PCNT: variants seen among roughly 807,000 people sequenced by gnomAD.
PCNT encodes kendrin.
Under a neutral mutation model 380.4 loss-of-function variants are expected in PCNT, and 319 were observed. The observed-to-expected ratio is 0.84, with a 90% CI of 0.77 to 0.92. The LOEUF (loss-of-function observed/expected upper bound fraction) is 0.92, where lower values mean the gene tolerates loss of function less well. Ranked by LOEUF, PCNT falls within the 40% of genes least tolerant of loss-of-function variation. The pLI, the probability that PCNT is intolerant of heterozygous loss-of-function variation, is 0.00. For synonymous variants in PCNT, 1,845 were observed against 1,735.2 expected, an observed-to-expected ratio of 1.06 and a Z score of -1.57; for missense variants, 4,400 against 4,255.3, an observed-to-expected ratio of 1.03 and a Z score of -0.95.
chr21:46,399,778 C>G lies in PCNT; in HGVS notation c.4773C>G (p.Ile1591Met), dbSNP rs375111791. 1 of 1,613,898 alleles carries G rather than the reference C, an allele frequency of 6.2e-7. No homozygotes were observed. ...AAGAAGTGGAAAAACAGAAAAACATCGTGAAAGGGCTGGAACAGGTAAAGC... is the reference window on the plus strand; with the variant it reads ...AAGAAGTGGAAAAACAGAAAAACATGGTGAAAGGGCTGGAACAGGTAAAGC... ...LQEEVEKQKN[I>M]VKGLEQDKEV... is the part of the protein sequence containing the mutation. The change falls in exon 25 of 47, where the codon ATC (isoleucine) becomes ATG (methionine). Residue 1591 changes from isoleucine (I) to methionine (M), a missense_variant. Physicochemically the swap from Ile to Met is conservative, Grantham distance 10. Coordinates refer to ENST00000359568, the MANE Select transcript of PCNT (RefSeq NM_006031.6).
intron 3 of PCNT, 29 bp downstream of exon 3, chr21:46,334,797 A>G: frequency 1.2e-6 from 2 of 1,614,198 alleles, no homozygotes; most frequent in East Asian, 4.5e-5. Context: ...GTTAAGGTGT[A>G]TTCTTTGTCA....
intron 33 of PCNT, 81 bp downstream of exon 33, chr21:46,426,052 G>T: frequency 9.1e-7 from 1 of 1,096,786 alleles, no homozygotes; most frequent in South Asian, 1.3e-5. Flanking sequence ...GGGCCACGTG[G>T]ACACTAGGAT....
intron 15 of PCNT, among the ~76,000 whole-genome samples, chr21:46,374,101 G>A (rs1005342201): frequency 1.3e-5 from 2 of 152,230 alleles, no homozygotes; most frequent in South Asian, 4.1e-4. Flanking sequence ...CTGTGGGGAG[G>A]TGGGATGTAC....
intron 13 of PCNT, among the ~76,000 whole-genome samples, chr21:46,361,654 GGTGCTCTTCATTTCTTCTT>G (rs1396899382): frequency 6.6e-6 from 1 of 152,146 alleles, no homozygotes; most frequent in Non-Finnish European, 1.5e-5. Flanking sequence ...TGCCATTTCT[GGTGCTCTTCATTTCTTCTT>G]GAAGATCTGA....
intron 15 of PCNT, among the ~76,000 whole-genome samples, chr21:46,370,514 CAG>C (rs1428318945): frequency 1.3e-5 from 2 of 151,926 alleles, no homozygotes; most frequent in African/African-American, 2.4e-5. Context: ...TGGGGGCTGA[CAG>C]GGGAAGCCAC....
chr21:46,377,444 T>G (rs1195686261), intron 15 of PCNT, among the ~76,000 whole-genome samples: 3 of 152,260 alleles, frequency 2.0e-5, no homozygotes, highest in Non-Finnish European at 4.4e-5. Flanking sequence ...GTCTTAAAAC[T>G]GAGCTTTTTC....
intron 13 of PCNT, among the ~76,000 whole-genome samples, chr21:46,357,840 T>G (rs764220722): frequency 3.3e-5 from 5 of 152,176 alleles, no homozygotes; most frequent in Non-Finnish European, 5.9e-5. Context: ...TCACCCCAAG[T>G]CTTAAATTGC....
intron 15 of PCNT, among the ~76,000 whole-genome samples, chr21:46,367,507 C>T (rs1411690182): frequency 2.0e-5 from 3 of 152,242 alleles, no homozygotes; most frequent in South Asian, 2.1e-4. Context: ...TGGGCTTCAC[C>T]ATGTTGGCCA....
At chr21:46,340,842 G>C (rs1006328656) in intron 3 of PCNT, among the ~76,000 whole-genome samples, 1 of 152,008 alleles carries the variant, frequency 6.6e-6, no homozygotes, top group Non-Finnish European at 1.5e-5. Context: ...GCTAATTTTT[G>C]TATTTTTTTT....
chr21:46,417,946 T>C (rs145899531), intron 30 of PCNT, among the ~76,000 whole-genome samples: 1 of 152,318 alleles, frequency 6.6e-6, no homozygotes, highest in East Asian at 1.9e-4. Flanking sequence ...GAAACATCCA[T>C]ATACTATCAT....
chr21:46,430,350 A>G lies in PCNT; in HGVS notation c.7913+118A>G. 4 of 1,377,518 alleles carry G rather than the reference A, an allele frequency of 2.9e-6. No individual in the cohort carries two copies. In the South Asian group the frequency reaches 3.7e-5, roughly 13 times the overall value. The allele number at this position is 1,377,518 out of a possible 1,614,324, so 85.3% of individuals were successfully genotyped here. A position where few individuals can be genotyped will look rare whatever the true frequency, so the allele number is the denominator to read the frequency against. On this transcript the variant is annotated intron_variant, in intron 36 of 46. Transcript: ENST00000359568. Reference sequence around the variant, plus strand: ...GCCGCAGTTGGGCAGCCCCAGGGGCACCGCGCCCTGCTGTCCCTGGGTTGA... The same window carrying G: ...GCCGCAGTTGGGCAGCCCCAGGGGCGCCGCGCCCTGCTGTCCCTGGGTTGA...
chr21:46,427,901 C>T, intron 34 of PCNT, 106 bp downstream of exon 34: 1 of 1,239,048 alleles, frequency 8.1e-7, no homozygotes, highest in Non-Finnish European at 1.2e-6. Flanking sequence ...TTGTGTGTTT[C>T]TCTCGACCGC....
rs772236667 is a variant in PCNT, at chr21:46,411,473, G to C, written c.5400G>C (p.Glu1800Asp). 6.2e-7 allele frequency: 1 copy of C among 1,610,182 alleles called. No homozygotes were observed. The highest frequency in any genetic ancestry group is 8.5e-7 in the Non-Finnish European group (1 of 1,178,930). Residue 1800 changes from glutamate to aspartate, a missense_variant, in exon 28 of 47, where the codon GAG becomes GAC. Physicochemically the swap from Glu to Asp is conservative, Grantham distance 45. Transcript: ENST00000359568. ...TCGAGGCTGCGCTGGAAGCCAAGGA[G>C]GCCCTGAGCCGGCTGCTGGCTGACC... ...GELEAALEAK[E>D]ALSRLLADQE...
intron 3 of PCNT, among the ~76,000 whole-genome samples, chr21:46,337,710 GT>G (rs1248514878): frequency 6.6e-6 from 1 of 152,062 alleles, no homozygotes; most frequent in Non-Finnish European, 1.5e-5. Flanking sequence ...AGCCTCCCGA[GT>G]TGCTGGGATT....
rs1465778910 is a variant in PCNT, at chr21:46,442,535, G to A, written c.9662G>A (p.Arg3221Gln). Residue 3221 changes from arginine (R) to glutamine (Q), a missense_variant, in exon 44 of 47, where the codon CGG (arginine) becomes CAG (glutamine). Coordinates refer to ENST00000359568, the MANE Select transcript of PCNT (RefSeq NM_006031.6). ...FLVKKWQEVD[R>Q]KGALAQGKAP... ...GTTAAGAAATGGCAAGAAGTAGATC[G>A]GAAAGGAGCTCTGGCACAAGGCAAA... The A allele has an allele frequency of 2.5e-6, 4 of 1,612,548 alleles. No homozygotes were observed. Among genetic ancestry groups the A allele is most frequent in the Non-Finnish European group, 2.5e-6 (3 of 1,178,860 alleles).
intron 6 of PCNT, 116 bp downstream of exon 6, chr21:46,347,628 T>A: frequency 1.1e-6 from 1 of 912,660 alleles, no homozygotes; most frequent in Non-Finnish European, 1.8e-6. Flanking sequence ...CGAGGCTTTA[T>A]TAGAATATGC....
chr21:46,394,199 C>G (rs983080489), intron 21 of PCNT, among the ~76,000 whole-genome samples: 2 of 152,244 alleles, frequency 1.3e-5, no homozygotes, highest in Non-Finnish European at 2.9e-5. Context: ...GTGAACCCGG[C>G]CCTGGTGTGC....
intron 34 of PCNT, among the ~76,000 whole-genome samples, chr21:46,428,018 C>T (rs774779982): frequency 4.6e-5 from 7 of 152,248 alleles, no homozygotes; most frequent in Non-Finnish European, 8.8e-5. Context: ...GATGCACCCT[C>T]AGGCCTCACT....
At chr21:46,442,913 A>G (rs1210854743) in intron 44 of PCNT, 2 of 352,110 alleles carry the variant, frequency 5.7e-6, no homozygotes, top group Non-Finnish European at 1.1e-5. Context: ...CTTGTAGAGC[A>G]TCATGCTTAT....
Sources: gnomAD v4.1 joint callset for allele counts (sites outside exome capture counted in the v4.1 genomes callset) on GRCh38, gnomAD v4.1.1 for gene constraint, MANE v1.5 for transcripts, NCBI Gene and HGNC (gene_info 2026-07-23, HGNC 2026-07-21) for gene names.